The following ZNF100 variants were observed in gnomAD, a reference collection of about 807,000 sequenced individuals.
ZNF100 encodes the protein zinc finger protein 100.
In ZNF100, 12 loss-of-function variants were observed where a neutral mutation model predicts 15.8. The observed-to-expected ratio is 0.76, with a 90% CI of 0.49 to 1.23. The LOEUF (loss-of-function observed/expected upper bound fraction) is 1.23, where lower values mean the gene tolerates loss of function less well. Ranked by LOEUF, ZNF100 falls within the 50% of genes most tolerant of loss-of-function variation. The probability of loss-of-function intolerance (pLI) is 0.00; values close to 1 mark genes in which losing one functional copy is unlikely to be tolerated. For missense variants in ZNF100, 670 were observed against 635.6 expected, an observed-to-expected ratio of 1.05 and a Z score of -0.58; for synonymous variants, 226 against 214.8, an observed-to-expected ratio of 1.05 and a Z score of -0.45.
rs947973621 is a variant in ZNF100 at position 21,724,113 on chromosome 19, C to G, written c.*2570G>C. The stretch of plus-strand genomic sequence containing the variant: ...TTAGGGGTCTATCATGAGTACCAGG[C>G]AAGTATAAACAGAATTTTCATGGGG... On this transcript the variant is annotated 3_prime_UTR_variant, in exon 5 of 5. Transcript: ENST00000358296. The G allele has an allele frequency of 3.3e-5, 5 of 152,026 alleles. No homozygotes were observed. The highest frequency in any genetic ancestry group is 1.2e-4 in the African/African-American group (5 of 41,394). The allele number at this position is 152,026 out of a possible 1,614,324, so 9.4% of individuals were successfully genotyped here. A position where few individuals can be genotyped will look rare whatever the true frequency, so the allele number is the denominator to read the frequency against.
rs868693023 is a variant in ZNF100, at chr19:21,741,340, G to A, written c.322+2677C>T. On this transcript the variant is annotated intron_variant, in intron 4 of 4. Transcript: ENST00000358296. ...TTCTGTAAGTCTTTTGCATAACAAT[G>A]TGAATATACTTAACATGGCTAAAAT... Among the ~76,000 whole-genome samples the A allele has an allele frequency of 1.4e-4, 22 of 152,226 alleles. No homozygotes were observed. In the South Asian group the frequency reaches 3.3e-3, roughly 23 times the overall value.
At position 21,726,694 on chromosome 19, in the gene ZNF100, G is replaced by C. The variant is rs188037372; in HGVS notation, c.1618C>G (p.Leu540Val). The C allele has an allele frequency of 3.3e-4, 530 of 1,605,840 alleles. No homozygotes were observed. The highest frequency in any genetic ancestry group is 4.2e-4 in the Non-Finnish European group (495 of 1,176,900). ...CTTTGCCACATTTTTCACATTTGTA[G>C]GGTTTCTCTCCAGTATGAGTTATTT... ...KQNNSYWRET[L>V]QM The change falls in exon 5 of 5, where the codon CTA (leucine) becomes GTA (valine). Residue 540 changes from leucine to valine, a missense_variant. By Grantham distance (32) the Leu-to-Val change is conservative (BLOSUM62 1). Transcript: ENST00000358296.
intron 4 of ZNF100, among the ~76,000 whole-genome samples, chr19:21,731,767 G>A (rs953840198): frequency 1.3e-5 from 2 of 152,108 alleles, no homozygotes; most frequent in African/African-American, 4.8e-5. Flanking sequence ...CAATGAGACA[G>A]AGATTGTATG....
intron 4 of ZNF100, among the ~76,000 whole-genome samples, chr19:21,736,415 C>T (rs2145701024): frequency 6.6e-6 from 1 of 152,260 alleles, no homozygotes; most frequent in Admixed American, 6.5e-5. Flanking sequence ...TACTTAGATA[C>T]CTACAAAGAG....
intron 2 of ZNF100, chr19:21,752,208 G>A (rs577342551): frequency 6.5e-6 from 1 of 154,532 alleles, no homozygotes; most frequent in Non-Finnish European, 1.4e-5. Flanking sequence ...ATGTGGGCCA[G>A]TAACTGAACT....
Position 21,727,591 on chromosome 19 carries a change from CT to C in ZNF100, c.720del (p.Ala241ProfsTer41), listed in dbSNP as rs755521427. 1.2e-6 allele frequency: 2 copies of C among 1,613,194 alleles called. No individual in the cohort carries two copies. The highest frequency in any genetic ancestry group is 2.2e-5 in the South Asian group (2 of 90,934). On this transcript the variant is annotated frameshift_variant, in exon 5 of 5. Coordinates refer to ENST00000358296, the MANE Select transcript of ZNF100 (RefSeq NM_173531.4). LOFTEE classifies it low-confidence loss of function (END_TRUNC). The stretch of plus-strand genomic sequence containing the variant: ...GTAAGGGTTGAGAACCAGTTGAAGG[CT>C]TTGCCACAATCTTTACATTGGTAGG... ...ENSYQCKDCG[K>X]AFNWFSTLTT...
intron 4 of ZNF100, among the ~76,000 whole-genome samples, chr19:21,740,081 T>C (rs990577701): frequency 1.3e-5 from 2 of 152,064 alleles, no homozygotes; most frequent in Admixed American, 6.6e-5. Context: ...TTTTAAAACA[T>C]TAAAAGCTAC....
At chr19:21,763,504 C>T (rs2036513389) in intron 2 of ZNF100, among the ~76,000 whole-genome samples, 2 of 152,124 alleles carry the variant, frequency 1.3e-5, no homozygotes, top group Non-Finnish European at 2.9e-5. Context: ...GCAAAGGAAT[C>T]GCTTGAACCT....
At position 21,744,999 on chromosome 19, in the gene ZNF100, A is replaced by G; in HGVS notation, c.165T>C (p.Ala55=). The G allele has an allele frequency of 6.2e-7, 1 of 1,612,890 alleles. No individual in the cohort carries two copies. The highest frequency in any genetic ancestry group is 8.5e-7 in the Non-Finnish European group (1 of 1,179,826). ...TCACTTTCCTATACAAACCCTGCTG[A>G]GCACTGTCCAGGCATTGCCACTCCT... ...SLEEWQCLDS[A]QQGLYRKVML... is the part of the protein sequence containing the mutation. Residue 55 remains alanine (A), a synonymous_variant, in exon 3 of 5, where the codon GCT becomes GCC. Coordinates refer to ENST00000358296, the MANE Select transcript of ZNF100 (RefSeq NM_173531.4).
rs1423458049 is a variant in ZNF100, at chr19:21,724,694, T to C, written c.*1989A>G. 2.6e-5 allele frequency: 4 copies of C among 152,132 alleles called. No individual in the cohort carries two copies. The highest frequency in any genetic ancestry group is 1.9e-4 in the East Asian group (1 of 5,200). The allele number at this position is 152,132 out of a possible 1,614,324, so 9.4% of individuals were successfully genotyped here. Reference sequence around the variant, plus strand: ...TGTATTCTTGTATCAAAATATGCCATATATTGCATGAATATATACTCATAT... The same window carrying C: ...TGTATTCTTGTATCAAAATATGCCACATATTGCATGAATATATACTCATAT... On this transcript the variant is annotated 3_prime_UTR_variant, in exon 5 of 5. Coordinates refer to ENST00000358296, the MANE Select transcript of ZNF100 (RefSeq NM_173531.4).
chr19:21,733,423 T>C (rs55694447), intron 4 of ZNF100, among the ~76,000 whole-genome samples: 12,280 of 152,202 alleles, frequency 0.081, 625 homozygotes, highest in South Asian at 0.18. Context: ...TCAATATGGT[T>C]ACATTATATT....
chr19:21,745,517 CT>C (rs748619557), intron 2 of ZNF100, among the ~76,000 whole-genome samples: 175 of 142,526 alleles, frequency 1.2e-3, no homozygotes, highest in Admixed American at 1.1e-3. Context: ...GAATTTCTTT[CT>C]TTTTTTTTTT....
Position 21,745,035 on chromosome 19 carries a change from T to G in ZNF100, c.129A>C (p.Glu43Asp). 1 of 1,613,144 alleles carries G rather than the reference T, an allele frequency of 6.2e-7. No homozygotes were observed. The change falls in exon 3 of 5, where the codon GAA becomes GAC. Residue 43 changes from glutamate (E) to aspartate (D), a missense_variant. Physicochemically the swap from Glu to Asp is conservative, Grantham distance 45. Coordinates refer to ENST00000358296, the MANE Select transcript of ZNF100 (RefSeq NM_173531.4). The part of the protein sequence containing the change: ...GPLTFRDVAI[E>D]FSLEEWQCLD... ...GGCATTGCCACTCCTCCAGAGAGAA[T>G]TCTATGGCCACATCCCTAAACGTCA...
chr19:21,747,280 C>T (rs2036228483), intron 2 of ZNF100, among the ~76,000 whole-genome samples: 3 of 152,292 alleles, frequency 2.0e-5, no homozygotes, highest in Admixed American at 2.0e-4. Context: ...CTTAGAGTCA[C>T]ATGAGGCACT....
intron 2 of ZNF100, among the ~76,000 whole-genome samples, chr19:21,748,480 T>G (rs1376247926): frequency 6.6e-6 from 1 of 152,232 alleles, no homozygotes; most frequent in Non-Finnish European, 1.5e-5. Flanking sequence ...TATGTAACTT[T>G]AATCTATTTT....
chr19:21,726,596 T>G lies in ZNF100; in HGVS notation c.*87A>C. The G allele has an allele frequency of 8.3e-7, 1 of 1,199,416 alleles. No individual in the cohort carries two copies. The highest frequency in any genetic ancestry group is 1.2e-6 in the Non-Finnish European group (1 of 852,650). The allele number at this position is 1,199,416 out of a possible 1,614,324, so 74.3% of individuals were successfully genotyped here. On this transcript the variant is annotated 3_prime_UTR_variant, in exon 5 of 5. Coordinates refer to ENST00000358296, the MANE Select transcript of ZNF100 (RefSeq NM_173531.4). ...GAATTTATTAAAGGCTTTGCCATAT[T>G]CTTCACAGTCACAGGAGTTCCCTCC...
chr19:21,751,200 G>GTA, intron 2 of ZNF100: 1 of 1,308,944 alleles, frequency 7.6e-7, no homozygotes, highest in Non-Finnish European at 1.1e-6. Flanking sequence ...TTACTAAAAA[G>GTA]TATAGCTCAT....
intron 1 of ZNF100, 58 bp from the exon 2 acceptor site, chr19:21,765,844 C>A (rs1254056981): frequency 9.2e-6 from 14 of 1,527,578 alleles, no homozygotes; most frequent in Non-Finnish European, 1.2e-5. Flanking sequence ...CTGACAGAAC[C>A]ATGGCGGATA....
intron 2 of ZNF100, among the ~76,000 whole-genome samples, chr19:21,764,512 C>T (rs1487438212): frequency 6.6e-6 from 1 of 151,836 alleles, no homozygotes; most frequent in East Asian, 1.9e-4. Context: ...CATAGTGGTG[C>T]GCCTCTAATC....
Sources: gnomAD v4.1 joint callset for allele counts (sites outside exome capture counted in the v4.1 genomes callset) on GRCh38, gnomAD v4.1.1 for gene constraint, MANE v1.5 for transcripts, NCBI Gene and HGNC (gene_info 2026-07-23, HGNC 2026-07-21) for gene names.